The following SYMPK variants were observed in gnomAD, a reference collection of about 807,000 sequenced individuals.
The protein encoded by SYMPK is symplekin scaffold protein.
In SYMPK, 49 loss-of-function variants were observed where a neutral mutation model predicts 136.4. The ratio of observed to expected loss-of-function variants is 0.36; its 90% CI spans 0.29 to 0.46. The LOEUF is 0.46. SYMPK is among the 20% of genes least tolerant of loss of function. The pLI is 1.00. For synonymous variants in SYMPK, 766 were observed against 713.0 expected, an observed-to-expected ratio of 1.07 and a Z score of -1.19; for missense variants, 1,365 against 1,690.0, an observed-to-expected ratio of 0.81 and a Z score of 3.37.
Position 45,815,551 on chromosome 19 carries a change from C to A in SYMPK, c.*9G>T, listed in dbSNP as rs759816874. The stretch of plus-strand genomic sequence containing the variant: ...TCCCTGTCCCACCCCCTTTCCCCCT[C>A]GAGCCCCGTCAGCTGTTCCCCTTGG... On this transcript the variant is annotated 3_prime_UTR_variant, in exon 27 of 27. Transcript: ENST00000245934. 6 of 1,552,306 alleles carry A rather than the reference C, an allele frequency of 3.9e-6. No homozygotes were observed. In the East Asian group the frequency reaches 9.4e-5, roughly 24 times the overall value.
chr19:45,835,196 G>A lies in SYMPK; in HGVS notation c.1275C>T (p.Ala425=), dbSNP rs956168237. The change falls in exon 11 of 27, where the codon GCC becomes GCT. Residue 425 remains alanine (A), a synonymous_variant. Transcript: ENST00000245934. ...AGATGGCCTGGAAGGAGGCTGGCAT[G>A]GCCTCGGGTAGGTACACCATGCTGA... ...VLISMVYLPE[A]MPASFQAIYT... 1 of 1,610,456 alleles carries A rather than the reference G, an allele frequency of 6.2e-7. No homozygotes were observed. The highest frequency in any genetic ancestry group is 8.5e-7 in the Non-Finnish European group (1 of 1,178,314).
chr19:45,827,904 A>C lies in SYMPK; in HGVS notation c.2000T>G (p.Val667Gly). 6.2e-7 allele frequency: 1 copy of C among 1,613,822 alleles called. No homozygotes were observed. Among genetic ancestry groups the C allele is most frequent in the Non-Finnish European group, 8.5e-7 (1 of 1,179,978 alleles). Residue 667 changes from valine to glycine, a missense_variant, in exon 15 of 27, where the codon GTT becomes GGT. Around this residue, in one of 11 missense-constraint regions of SYMPK, gnomAD observed 303 missense variants for 326.6 expected, o/e 0.93. Transcript: ENST00000245934. The part of the protein sequence containing the change: ...PDQKDGIFTK[V>G]VLEAPLITES... ...TGTGATGAGTGGCGCCTCCAGCACA[A>C]CCTTGGTGAAGATCCTGCCAGAGAT... is the stretch of plus-strand genomic sequence containing the variant.
chr19:45,860,475 GA>G (rs1212832574), intron 1 of SYMPK, among the ~76,000 whole-genome samples: 3 of 91,658 alleles, frequency 3.3e-5, no homozygotes, highest in African/African-American at 4.7e-5. Context: ...AAAAAAAAAA[GA>G]AAAAAAACCC....
At chr19:45,850,715 T>TGACA (rs1339810833) in intron 5 of SYMPK, among the ~76,000 whole-genome samples, 1 of 152,044 alleles carries the variant, frequency 6.6e-6, no homozygotes, top group Non-Finnish European at 1.5e-5. Context: ...CCCTACTAGG[T>TGACA]GACAACACTG....
rs1452239954 is a variant in SYMPK at position 45,831,596 on chromosome 19, G to C, written c.1394-8C>G. The C allele has an allele frequency of 1.3e-6, 2 of 1,576,620 alleles. No homozygotes were observed. Among genetic ancestry groups the C allele is most frequent in the East Asian group, 4.6e-5 (2 of 43,226 alleles). ...GTTTGGTCTGCTCTACACCTGAGGG[G>C]GAGGCAGCAAACAGACACCCAGTGC... On this transcript the variant is annotated splice_polypyrimidine_tract_variant and splice_region_variant and intron_variant, in intron 11 of 26. Transcript: ENST00000245934.
intron 5 of SYMPK, among the ~76,000 whole-genome samples, chr19:45,849,830 G>A (rs891360012): frequency 6.6e-6 from 1 of 152,066 alleles, no homozygotes; most frequent in Non-Finnish European, 1.5e-5. Flanking sequence ...TGGGTCACCT[G>A]AGGTCAGGAG....
rs1478249983 is a variant in SYMPK at position 45,823,478 on chromosome 19, T to A, written c.2600-6A>T. Reference sequence around the variant, plus strand: ...CAGCTCTGGGGAGGGTGGGACTGCATGGAAGCAGCAGGAGGCACCAAGTTG... The same window carrying A: ...CAGCTCTGGGGAGGGTGGGACTGCAAGGAAGCAGCAGGAGGCACCAAGTTG... On this transcript the variant is annotated splice_polypyrimidine_tract_variant and splice_region_variant and intron_variant, in intron 19 of 26. Transcript: ENST00000245934. 5.0e-6 allele frequency: 8 copies of A among 1,613,444 alleles called. No homozygotes were observed. The highest frequency in any genetic ancestry group is 6.8e-6 in the Non-Finnish European group (8 of 1,179,852).
chr19:45,849,050 T>G, intron 5 of SYMPK, among the ~76,000 whole-genome samples, 174 bp from the exon 6 acceptor site: 1 of 152,086 alleles, frequency 6.6e-6, no homozygotes, highest in South Asian at 2.1e-4. Context: ...CCCTGAACCC[T>G]CTATCTAGAC....
At position 45,831,568 on chromosome 19, in the gene SYMPK, ACT is replaced by A; in HGVS notation, c.1412_1413del (p.Gln471LeufsTer102). ...GLGPGVEQTKQCKEEPKEEKV... is the reference protein window; with the variant it reads ...GLGPGVEQTKXCKEEPKEEKV... ...TTCTCCTCCTTGGGCTCCTCCTTGC[ACT>A]GTTTGGTCTGCTCTACACCTGAGGG... On this transcript the variant is annotated frameshift_variant, in exon 12 of 27. Transcript: ENST00000245934. LOFTEE classifies it high-confidence loss of function. The A allele has an allele frequency of 6.2e-7, 1 of 1,607,768 alleles. No homozygotes were observed. The highest frequency in any genetic ancestry group is 8.5e-7 in the Non-Finnish European group (1 of 1,177,194).
At chr19:45,834,299 C>G (rs1331064063) in intron 11 of SYMPK, among the ~76,000 whole-genome samples, 1 of 146,848 alleles carries the variant, frequency 6.8e-6, no homozygotes, top group African/African-American at 2.5e-5. Context: ...AAAAACAAAA[C>G]AAAACAAAAG....
rs1971511852 is a variant in SYMPK at position 45,844,317 on chromosome 19, C to CG, written c.677-118dup. The CG allele has an allele frequency of 5.3e-6, 4 of 759,110 alleles. No homozygotes were observed. In the South Asian group the frequency reaches 8.1e-5, roughly 15 times the overall value. The allele number at this position is 759,110 out of a possible 1,614,324, so 47.0% of individuals were successfully genotyped here. A position where few individuals can be genotyped will look rare whatever the true frequency, so the allele number is the denominator to read the frequency against. On this transcript the variant is annotated intron_variant, in intron 7 of 26. Transcript: ENST00000245934. ...CTGGTACCTAGATGTCTATGAATGG[C>CG]GGGAAAAACAGAAAATGTGGTGGTT...
rs370576166 is a variant in SYMPK, at chr19:45,821,502, G to A, written c.2792-17C>T. 2 of 1,579,150 alleles carry A rather than the reference G, an allele frequency of 1.3e-6. No homozygotes were observed. Among genetic ancestry groups the A allele is most frequent in the African/African-American group, 2.7e-5 (2 of 74,300 alleles). On this transcript the variant is annotated splice_polypyrimidine_tract_variant and intron_variant, in intron 21 of 26. Transcript: ENST00000245934. The surrounding 1 kb of genome is among the most constrained non-coding windows in gnomAD (Gnocchi z 4.4). Reference sequence around the variant, plus strand: ...TTCCCTCACCTGCAGCAGGCGGGAGGAAGGGTGGGGGAAGACAGTGCGGAC... The same window carrying A: ...TTCCCTCACCTGCAGCAGGCGGGAGAAAGGGTGGGGGAAGACAGTGCGGAC...
At chr19:45,859,131 C>T (rs1428999777) in intron 1 of SYMPK, among the ~76,000 whole-genome samples, 2 of 152,128 alleles carry the variant, frequency 1.3e-5, no homozygotes, top group Non-Finnish European at 1.5e-5. Context: ...GAGTGCTTGG[C>T]ACCTAGCAGG....
intron 5 of SYMPK, among the ~76,000 whole-genome samples, chr19:45,852,022 T>C (rs1022221315): frequency 1.3e-5 from 2 of 152,222 alleles, no homozygotes; most frequent in Non-Finnish European, 2.9e-5. Context: ...GCCTGCATAG[T>C]GGCAGAGGAA....
rs751841036 is a variant in SYMPK at position 45,823,913 on chromosome 19, G to C, written c.2491-38C>G. On this transcript the variant is annotated intron_variant, in intron 18 of 26. Coordinates refer to ENST00000245934, the MANE Select transcript of SYMPK (RefSeq NM_004819.3). ...ACAGGGATGACCAGACCCAGGGTGA[G>C]AGCTTAGGGGAGGGTCAGGTGTTGC... is the stretch of plus-strand genomic sequence containing the variant. 122 of 1,562,524 alleles carry C rather than the reference G, an allele frequency of 7.8e-5. 2 individuals are homozygous for C. Among genetic ancestry groups the C allele is most frequent in the Non-Finnish European group, 3.5e-6 (4 of 1,140,972 alleles).
chr19:45,821,312 C>T lies in SYMPK; in HGVS notation c.2893+72G>A, dbSNP rs573624244. ...TTGACTTGGCAGATTCCAGTGGGGG[C>T]ATGTGGGTGACTGAGGTCCTGCCCT... is the stretch of plus-strand genomic sequence containing the variant. On this transcript the variant is annotated intron_variant, in intron 22 of 26. Transcript: ENST00000245934. This position sits in a 1 kb window ranked among gnomAD's most constrained non-coding sequence, Gnocchi z 4.4. 88 of 1,104,508 alleles carry T rather than the reference C, an allele frequency of 8.0e-5. No individual in the cohort carries two copies. The highest frequency in any genetic ancestry group is 1.1e-4 in the Non-Finnish European group (80 of 721,466). 68.4% of individuals were successfully genotyped at this position (1,104,508 alleles called of 1,614,324 possible).
At chr19:45,831,259 C>T (rs1971165164) in intron 12 of SYMPK, 125 bp downstream of exon 12, 2 of 681,840 alleles carry the variant, frequency 2.9e-6, no homozygotes, top group Admixed American at 3.8e-5. Context: ...CTATTCCAGA[C>T]TTCCTTCTGT....
At chr19:45,823,692 G>A in intron 19 of SYMPK, 75 bp downstream of exon 19, 1 of 1,335,944 alleles carries the variant, frequency 7.5e-7, no homozygotes, top group South Asian at 1.2e-5. Context: ...GGACCCAGCA[G>A]CTCAGATCCC....
chr19:45,836,570 A>G (rs955863423), intron 10 of SYMPK, among the ~76,000 whole-genome samples: 2 of 151,644 alleles, frequency 1.3e-5, no homozygotes, highest in African/African-American at 4.8e-5. Context: ...GGCGGAGCTT[A>G]CAGTGAGCTG....
Sources: gnomAD v4.1 joint callset for allele counts (sites outside exome capture counted in the v4.1 genomes callset) on GRCh38, gnomAD v4.1.1 for gene constraint, gnomAD v4.1.1 regional missense constraint, Gnocchi (gnomAD v3.1) non-coding constraint, MANE v1.5 for transcripts, NCBI Gene and HGNC (gene_info 2026-07-23, HGNC 2026-07-21) for gene names.